Variants in USP10 observed in about 807,000 individuals in gnomAD.
USP10 encodes the protein ubiquitin carboxyl-terminal hydrolase 10.
USP10 carries 22 observed loss-of-function variants against 84.5 expected under a neutral mutation model. The observed-to-expected ratio is 0.26, with a 90% CI of 0.19 to 0.37. The LOEUF (loss-of-function observed/expected upper bound fraction) is 0.37. Among genes scored for constraint, USP10 ranks in the 10% least tolerant of loss-of-function variants. The pLI is 1.00. For synonymous variants in USP10, 454 were observed against 387.6 expected, an observed-to-expected ratio of 1.17 and a Z score of -2.01; for missense variants, 1,019 against 998.9, an observed-to-expected ratio of 1.02 and a Z score of -0.27.
intron 10 of USP10, among the ~76,000 whole-genome samples, chr16:84,766,644 T>C (rs778443836): frequency 2.0e-5 from 3 of 152,108 alleles, no homozygotes; most frequent in Non-Finnish European, 4.4e-5. Context: ...TACTCAAAGA[T>C]CCCAAATTTG....
intron 1 of USP10, among the ~76,000 whole-genome samples, chr16:84,704,119 A>G (rs1241901182): frequency 6.6e-6 from 1 of 152,214 alleles, no homozygotes; most frequent in Non-Finnish European, 1.5e-5. Flanking sequence ...AAGTGGTATC[A>G]TCTCCAATTG....
intron 2 of USP10, among the ~76,000 whole-genome samples, chr16:84,735,223 G>A (rs1448590932): frequency 2.7e-5 from 4 of 147,416 alleles, no homozygotes; most frequent in Admixed American, 6.8e-5. Flanking sequence ...GTGTGTGTGT[G>A]TGTGTGTGTG....
At position 84,779,502 on chromosome 16, in the gene USP10, CTT is replaced by C. The variant is rs1282813579; in HGVS notation, c.*422_*423del. The C allele has an allele frequency of 6.5e-6, 1 of 153,520 alleles. No individual in the cohort carries two copies. The highest frequency in any genetic ancestry group is 1.9e-4 in the East Asian group (1 of 5,218). 9.5% of individuals were successfully genotyped at this position (153,520 alleles called of 1,614,324 possible). The stretch of plus-strand genomic sequence containing the variant: ...ATCCATCACACTTTTCTTCCCTACC[CTT>C]TAGTTTTTGATAAATGATAAAAATG... On this transcript the variant is annotated 3_prime_UTR_variant, in exon 14 of 14. Transcript: ENST00000219473.
At chr16:84,753,609 C>T (rs1307805528) in intron 4 of USP10, among the ~76,000 whole-genome samples, 1 of 152,166 alleles carries the variant, frequency 6.6e-6, no homozygotes, top group South Asian at 2.1e-4. Context: ...GGGCGCGAAC[C>T]CCCGTCTTCC....
intron 1 of USP10, among the ~76,000 whole-genome samples, chr16:84,718,095 C>T (rs1907289666): frequency 6.6e-6 from 1 of 152,152 alleles, no homozygotes; most frequent in African/African-American, 2.4e-5. Context: ...AACTTGACTA[C>T]ATTGCGAAGG....
chr16:84,767,927 C>T (rs961837785), intron 10 of USP10, among the ~76,000 whole-genome samples: 2 of 152,102 alleles, frequency 1.3e-5, no homozygotes, highest in African/African-American at 2.4e-5. Flanking sequence ...ACCCTGCGGC[C>T]TTCCGCAGTG....
intron 1 of USP10, among the ~76,000 whole-genome samples, chr16:84,714,292 C>G (rs76582666): frequency 0.033 from 5,067 of 152,222 alleles, 104 homozygotes; most frequent in South Asian, 0.13. Context: ...TGGAATGACA[C>G]TTGTTTAGTA....
chr16:84,778,849 T>C, intron 13 of USP10, 46 bp from the exon 14 acceptor site: 1 of 1,564,752 alleles, frequency 6.4e-7, no homozygotes, highest in Non-Finnish European at 8.7e-7. Flanking sequence ...TAATGATTCG[T>C]GTGCAGTGCT....
At chr16:84,738,245 A>G (rs1726580483) in intron 2 of USP10, among the ~76,000 whole-genome samples, 1 of 152,206 alleles carries the variant, frequency 6.6e-6, no homozygotes, top group Admixed American at 6.5e-5. Flanking sequence ...ACATTGATAT[A>G]ATAGTGATGA....
rs758797613 is a variant in USP10, at chr16:84,753,805, G to T, written c.1193-4911G>T. ...GATGTTTAATTGATCCTGTATTACT[G>T]TCTAATGAGAACTTACTGTATGCCA... On this transcript the variant is annotated intron_variant, in intron 4 of 13. Coordinates refer to ENST00000219473, the MANE Select transcript of USP10 (RefSeq NM_005153.3). 3.3e-5 allele frequency among the ~76,000 whole-genome samples: 5 copies of T among 152,220 alleles called. 1 individual carries two copies. The highest frequency in any genetic ancestry group is 5.9e-5 in the Non-Finnish European group (4 of 68,044).
intron 2 of USP10, among the ~76,000 whole-genome samples, chr16:84,737,776 A>G (rs1239803561): frequency 1.3e-5 from 2 of 152,202 alleles, no homozygotes; most frequent in Non-Finnish European, 2.9e-5. Context: ...GGGCCACAGT[A>G]ACAGGACCTC....
At chr16:84,742,004 C>T (rs559750590) in intron 3 of USP10, among the ~76,000 whole-genome samples, 1 of 152,336 alleles carries the variant, frequency 6.6e-6, no homozygotes, top group East Asian at 1.9e-4. Flanking sequence ...CTGCAGCAAG[C>T]CCTTTGCAGA....
chr16:84,702,724 G>A (rs565409584), intron 1 of USP10, among the ~76,000 whole-genome samples: 247 of 152,248 alleles, frequency 1.6e-3, no homozygotes, highest in Non-Finnish European at 2.9e-3. Flanking sequence ...CCAGCGCGGT[G>A]GCTCGTGCCT....
At chr16:84,700,241 G>A in intron 1 of USP10, 130 bp downstream of exon 1, 4 of 763,666 alleles carry the variant, frequency 5.2e-6, no homozygotes, top group Non-Finnish European at 6.7e-6. Flanking sequence ...GGGACACGCT[G>A]CCCGGGCCTA....
intron 3 of USP10, among the ~76,000 whole-genome samples, chr16:84,742,824 C>T (rs892132929): frequency 2.0e-5 from 3 of 152,152 alleles, no homozygotes; most frequent in Admixed American, 6.5e-5. Flanking sequence ...ATGTTTGATA[C>T]TAATTATAAC....
chr16:84,750,201 A>C (rs1911752329), intron 4 of USP10, among the ~76,000 whole-genome samples: 1 of 152,130 alleles, frequency 6.6e-6, no homozygotes, highest in Admixed American at 6.6e-5. Flanking sequence ...TGAGGCCAGG[A>C]GTTCAAGACC....
intron 1 of USP10, chr16:84,732,455 T>TC: frequency 2.4e-6 from 1 of 409,118 alleles, no homozygotes; most frequent in East Asian, 8.2e-5. Context: ...TTTTTTTTTT[T>TC]TTTCTTTTTG....
intron 3 of USP10, among the ~76,000 whole-genome samples, chr16:84,743,860 C>A (rs766363764): frequency 6.6e-6 from 1 of 152,098 alleles, no homozygotes; most frequent in Non-Finnish European, 1.5e-5. Flanking sequence ...CTAACTTTTT[C>A]TTTTGGTATT....
In USP10 at chr16:84,731,171, G is replaced by A. The variant is rs191730551; in HGVS notation, c.22-2264G>A. Among the ~76,000 whole-genome samples, 726 of 151,740 alleles carry A rather than the reference G, an allele frequency of 4.8e-3. 3 individuals are homozygous for A. The highest frequency in any genetic ancestry group is 0.016 in the African/African-American group (649 of 41,360). ...ATTTTTTGTATTTTTAGTAGAGACG[G>A]GGTTTCACCGTGTTAGCCAGGATGG... On this transcript the variant is annotated intron_variant, in intron 1 of 13. Coordinates refer to ENST00000219473, the MANE Select transcript of USP10 (RefSeq NM_005153.3).
Sources: gnomAD v4.1 joint callset for allele counts (sites outside exome capture counted in the v4.1 genomes callset) on GRCh38, gnomAD v4.1.1 for gene constraint, MANE v1.5 for transcripts, NCBI Gene and HGNC (gene_info 2026-07-23, HGNC 2026-07-21) for gene names.